The following KCNQ1 variants were observed in gnomAD, a reference collection of about 807,000 sequenced individuals.
The protein encoded by KCNQ1 is potassium voltage-gated channel subfamily Q member 1.
KCNQ1 carries 49 observed loss-of-function variants against 72.4 expected under a neutral mutation model. That is an observed-to-expected ratio of 0.68 (90% CI 0.54 to 0.86). The LOEUF (loss-of-function observed/expected upper bound fraction) is 0.86. Ranked by LOEUF, KCNQ1 falls within the 40% of genes least tolerant of loss-of-function variation. The probability of loss-of-function intolerance (pLI) is 0.00; values close to 1 mark genes in which losing one functional copy is unlikely to be tolerated. For synonymous variants in KCNQ1, 450 were observed against 412.6 expected (o/e 1.09, Z -1.10); for missense variants, 790 against 945.1 (o/e 0.84, Z 2.15).
chr11:2,485,805 A>G (rs1846732027), intron 1 of KCNQ1, among the ~76,000 whole-genome samples: 1 of 152,148 alleles, frequency 6.6e-6, no homozygotes, highest in Non-Finnish European at 1.5e-5. Context: ...GTCTTTTGTG[A>G]CTGGCTTATT....
At chr11:2,513,273 C>G (rs1330747409) in intron 1 of KCNQ1, among the ~76,000 whole-genome samples, 8 of 152,154 alleles carry the variant, frequency 5.3e-5, no homozygotes, top group Admixed American at 3.3e-4. Context: ...CTTGGCTGTT[C>G]CCTGATATGG....
intron 11 of KCNQ1, among the ~76,000 whole-genome samples, chr11:2,727,010 G>A (rs1845775754): frequency 6.6e-6 from 1 of 152,254 alleles, no homozygotes; most frequent in Admixed American, 6.5e-5. Context: ...GCAGCAGGGA[G>A]GGGACACTTA....
chr11:2,542,547 C>A (rs111405535), intron 2 of KCNQ1, among the ~76,000 whole-genome samples: 3 of 152,240 alleles, frequency 2.0e-5, no homozygotes, highest in Non-Finnish European at 4.4e-5. Flanking sequence ...AGGACCATCA[C>A]CACAATTGAG....
chr11:2,777,180 A>G, intron 14 of KCNQ1, 148 bp downstream of exon 14: 1 of 804,476 alleles, frequency 1.2e-6, no homozygotes, highest in Non-Finnish European at 2.1e-6. Context: ...GAGTAAGGGG[A>G]GGTAGACCCC....
At position 2,564,026 on chromosome 11, in the gene KCNQ1, C is replaced by T. The variant is rs530087994; in HGVS notation, c.478-6602C>T. ...AGAATCCTTTTGGAGACCTGACCCG[C>T]GGGAGCCCAGGTGAGCAACCGCCAC... On this transcript the variant is annotated intron_variant, in intron 2 of 15. Coordinates refer to ENST00000155840, the MANE Select transcript of KCNQ1 (RefSeq NM_000218.3). The surrounding 1 kb of genome is among the most constrained non-coding windows in gnomAD (Gnocchi z 4.5). 6.8e-4 allele frequency among the ~76,000 whole-genome samples: 103 copies of T among 152,210 alleles called. No individual in the cohort carries two copies. The highest frequency in any genetic ancestry group is 1.2e-3 in the Non-Finnish European group (84 of 68,004).
In KCNQ1 at chr11:2,567,703, C is replaced by T. The variant is rs1848266922; in HGVS notation, c.478-2925C>T. ...TCCCCAGCCATGCAGCCTTGCACTG[C>T]CTTCCCACATCCAGCTGGATTTGGG... is the stretch of plus-strand genomic sequence containing the variant. On this transcript the variant is annotated intron_variant, in intron 2 of 15. Coordinates refer to ENST00000155840, the MANE Select transcript of KCNQ1 (RefSeq NM_000218.3). The surrounding 1 kb of genome is among the most constrained non-coding windows in gnomAD (Gnocchi z 6.6). Among the ~76,000 whole-genome samples, 1 of 152,230 alleles carries T rather than the reference C, an allele frequency of 6.6e-6. No homozygotes were observed. Among genetic ancestry groups the T allele is most frequent in the East Asian group, 1.9e-4 (1 of 5,194 alleles).
At chr11:2,672,587 T>C (rs1170340788) in intron 11 of KCNQ1, 3 of 398,542 alleles carry the variant, frequency 7.5e-6, no homozygotes, top group Non-Finnish European at 8.8e-6. Flanking sequence ...TGAATTTTGA[T>C]TGGGAAAGCA....
chr11:2,520,391 G>T (rs762487567), intron 1 of KCNQ1, among the ~76,000 whole-genome samples: 37 of 152,220 alleles, frequency 2.4e-4, no homozygotes, highest in South Asian at 1.0e-3. Context: ...TTTGGGAGGG[G>T]TCGGGAGATG....
chr11:2,502,129 C>T (rs186309390), intron 1 of KCNQ1, among the ~76,000 whole-genome samples: 5 of 152,236 alleles, frequency 3.3e-5, no homozygotes, highest in Admixed American at 6.5e-5. Flanking sequence ...CCTCTAAGAC[C>T]TGGAACATGA....
intron 15 of KCNQ1, among the ~76,000 whole-genome samples, chr11:2,825,842 G>A (rs527899099): frequency 1.3e-5 from 2 of 152,266 alleles, no homozygotes; most frequent in South Asian, 2.1e-4. Context: ...GGTGGAGTTT[G>A]GAGTAAAGAG....
chr11:2,724,503 G>C lies in KCNQ1; in HGVS notation c.1515-44341G>C, dbSNP rs773015951. Among the ~76,000 whole-genome samples, 1 of 152,220 alleles carries C rather than the reference G, an allele frequency of 6.6e-6. No homozygotes were observed. The highest frequency in any genetic ancestry group is 2.4e-5 in the African/African-American group (1 of 41,456). ...AGAGAGAGAAGTGGTGGGTGGCAGC[G>C]AGCAGGCTGTCCTGCAAGGCCGTGG... On this transcript the variant is annotated intron_variant, in intron 11 of 15. Transcript: ENST00000155840. The surrounding 1 kb of genome is among the most constrained non-coding windows in gnomAD (Gnocchi z 6.8).
At position 2,592,546 on chromosome 11, in the gene KCNQ1, A is replaced by C. The variant is rs975376127; in HGVS notation, c.1393+3692A>C. Among the ~76,000 whole-genome samples, 1 of 152,192 alleles carries C rather than the reference A, an allele frequency of 6.6e-6. No homozygotes were observed. The highest frequency in any genetic ancestry group is 6.5e-5 in the Admixed American group (1 of 15,284). ...AATGTCAGCAGCCACCCAGCCCGAG[A>C]GCCAGAGCACAGCAGGGGCTGGCCA... On this transcript the variant is annotated intron_variant, in intron 10 of 15. Transcript: ENST00000155840. The surrounding 1 kb of genome is among the most constrained non-coding windows in gnomAD (Gnocchi z 5.2).
Position 2,661,171 on chromosome 11 carries a change from A to G in KCNQ1, c.1394-790A>G, listed in dbSNP as rs986241973. On this transcript the variant is annotated intron_variant, in intron 10 of 15. Transcript: ENST00000155840. The surrounding 1 kb of genome is among the most constrained non-coding windows in gnomAD (Gnocchi z 5.9). ...ATCTAGTTGGCAGTTAACACTGATG[A>G]CCTTGGGGGAGGAAAGCCATTGTGA... 21 of 398,486 alleles carry G rather than the reference A, an allele frequency of 5.3e-5. No homozygotes were observed. The highest frequency in any genetic ancestry group is 6.2e-4 in the Middle Eastern group (1 of 1,610). The allele number at this position is 398,486 out of a possible 1,614,324, so 24.7% of individuals were successfully genotyped here.
At chr11:2,527,226 A>G (rs1347402389) in intron 1 of KCNQ1, among the ~76,000 whole-genome samples, 1 of 152,038 alleles carries the variant, frequency 6.6e-6, no homozygotes, top group East Asian at 1.9e-4. Flanking sequence ...GGAGGAAGTG[A>G]AACTGGAGGA....
rs562388169 is a variant in KCNQ1 at position 2,754,508 on chromosome 11, G to A, written c.1515-14336G>A. 3.3e-5 allele frequency among the ~76,000 whole-genome samples: 5 copies of A among 152,396 alleles called. No homozygotes were observed. The East Asian group carries it at 9.6e-4, about 29-fold the overall frequency. ...AGGCTATACTAACTAAGATGTTGCA[G>A]TGTAGGCACAAGGGTAGACAATTAG... is the stretch of plus-strand genomic sequence containing the variant. On this transcript the variant is annotated intron_variant, in intron 11 of 15. Transcript: ENST00000155840.
At chr11:2,780,214 G>T (rs935048521) in intron 15 of KCNQ1, among the ~76,000 whole-genome samples, 1 of 152,282 alleles carries the variant, frequency 6.6e-6, no homozygotes, top group African/African-American at 2.4e-5. Context: ...TAGCCTACCC[G>T]GTCCTTGCCC....
At position 2,543,686 on chromosome 11, in the gene KCNQ1, A is replaced by T. The variant is rs886083003; in HGVS notation, c.477+15668A>T. Among the ~76,000 whole-genome samples, 2 of 152,174 alleles carry T rather than the reference A, an allele frequency of 1.3e-5. No individual in the cohort carries two copies. The highest frequency in any genetic ancestry group is 2.9e-5 in the Non-Finnish European group (2 of 68,024). On this transcript the variant is annotated intron_variant, in intron 2 of 15. Coordinates refer to ENST00000155840, the MANE Select transcript of KCNQ1 (RefSeq NM_000218.3). This position sits in a 1 kb window ranked among gnomAD's most constrained non-coding sequence, Gnocchi z 5.6. ...ATTCTATTTAGGAAATGCTTACCAA[A>T]CACACTCTTACTAAGATTTTCTGCT... is the stretch of plus-strand genomic sequence containing the variant.
chr11:2,521,822 G>A (rs545521988), intron 1 of KCNQ1, among the ~76,000 whole-genome samples: 35 of 152,348 alleles, frequency 2.3e-4, no homozygotes, highest in African/African-American at 7.0e-4. Flanking sequence ...TTTGCTTGGC[G>A]GGTCACCTGG....
chr11:2,670,636 G>A lies in KCNQ1; in HGVS notation c.1514+8555G>A, dbSNP rs1362292448. On this transcript the variant is annotated intron_variant, in intron 11 of 15. Transcript: ENST00000155840. The surrounding 1 kb of genome is among the most constrained non-coding windows in gnomAD (Gnocchi z 4.9). ...TGGGGGAGCCTGGATATGCATGGCA[G>A]AGGCCAGGATGAACCCTGAAGATTG... 5.0e-6 allele frequency: 2 copies of A among 398,510 alleles called. No homozygotes were observed. The highest frequency in any genetic ancestry group is 8.8e-6 in the Non-Finnish European group (2 of 226,128). 24.7% of individuals were successfully genotyped at this position (398,510 alleles called of 1,614,324 possible).
Sources: allele counts gnomAD v4.1 joint callset (sites outside exome capture counted in the v4.1 genomes callset), GRCh38; gene constraint gnomAD v4.1.1; non-coding constraint Gnocchi (gnomAD v3.1); transcripts MANE v1.5; gene names NCBI Gene and HGNC (gene_info 2026-07-23, HGNC 2026-07-21).